Variants in EYS observed in about 807,000 individuals in gnomAD.
EYS encodes EGF-like photoreceptor maintenance factor.
In EYS, 250 loss-of-function variants were observed where a neutral mutation model predicts 282.1. The observed-to-expected ratio is 0.89, with a 90% CI of 0.80 to 0.98. The LOEUF (loss-of-function observed/expected upper bound fraction) is 0.98, where lower values mean the gene tolerates loss of function less well. EYS is among the 50% of genes least tolerant of loss of function. EYS has a pLI of 0.00. For synonymous variants in EYS, 1,355 were observed against 1,282.9 expected, an observed-to-expected ratio of 1.06 and a Z score of -1.20; for missense variants, 4,016 against 3,709.0, an observed-to-expected ratio of 1.08 and a Z score of -2.15.
intron 10 of EYS, among the ~76,000 whole-genome samples, chr6:65,339,489 A>C (rs1770117189): frequency 6.6e-6 from 1 of 151,162 alleles, no homozygotes; most frequent in Non-Finnish European, 1.5e-5. Context: ...TTTATTAGTA[A>C]TTGTTGTTAA....
intron 2 of EYS, among the ~76,000 whole-genome samples, chr6:65,563,405 T>A (rs1769139785): frequency 6.6e-6 from 1 of 152,122 alleles, no homozygotes; most frequent in Non-Finnish European, 1.5e-5. Context: ...AAAACTATGT[T>A]ATATTTTTTA....
intron 31 of EYS, among the ~76,000 whole-genome samples, chr6:64,199,941 A>G (rs982138765): frequency 6.6e-6 from 1 of 152,186 alleles, no homozygotes; most frequent in African/African-American, 2.4e-5. Context: ...GTCCCTTAGT[A>G]GGTGAATGGG....
At chr6:64,918,753 G>A (rs1437422185) in intron 15 of EYS, among the ~76,000 whole-genome samples, 1 of 152,170 alleles carries the variant, frequency 6.6e-6, no homozygotes, top group Non-Finnish European at 1.5e-5. Context: ...CCATCAGGTA[G>A]GAGACAGATG....
intron 26 of EYS, among the ~76,000 whole-genome samples, chr6:64,477,185 C>T (rs528215570): frequency 2.8e-4 from 43 of 152,140 alleles, no homozygotes; most frequent in African/African-American, 1.0e-3. Flanking sequence ...GTTTTTGATT[C>T]TTCAATGAAA....
In EYS at chr6:63,835,782, T is replaced by C. The variant is rs189015482; in HGVS notation, c.7228+28404A>G. 3.2e-4 allele frequency among the ~76,000 whole-genome samples: 49 copies of C among 152,068 alleles called. No individual in the cohort carries two copies. The East Asian group carries it at 5.0e-3, about 16-fold the overall frequency. ...CAGTTTTAGAAATAAGAACCATAGG[T>C]CAACAAACTTATTAATCCTTCTAAC... On this transcript the variant is annotated intron_variant, in intron 36 of 42. Coordinates refer to ENST00000503581, the MANE Select transcript of EYS (RefSeq NM_001142800.2).
intron 29 of EYS, among the ~76,000 whole-genome samples, chr6:64,358,311 T>A (rs1242839672): frequency 1.3e-5 from 2 of 151,634 alleles, no homozygotes; most frequent in Non-Finnish European, 3.0e-5. Context: ...GAACTCTTCC[T>A]GGTATGTTAA....
chr6:64,651,961 C>CA (rs1054179840), intron 22 of EYS, among the ~76,000 whole-genome samples: 1 of 152,142 alleles, frequency 6.6e-6, no homozygotes, highest in African/African-American at 2.4e-5. Context: ...TGTTAATTGG[C>CA]ATACACTGGC....
chr6:64,200,739 T>C (rs1431567193), intron 31 of EYS, among the ~76,000 whole-genome samples: 5 of 152,128 alleles, frequency 3.3e-5, no homozygotes, highest in African/African-American at 1.2e-4. Flanking sequence ...CAAGAAACTT[T>C]TTTATGGCTG....
chr6:64,310,826 T>A (rs1342653778), intron 29 of EYS, among the ~76,000 whole-genome samples: 2 of 152,120 alleles, frequency 1.3e-5, no homozygotes, highest in African/African-American at 4.8e-5. Context: ...ATGGGAAGAC[T>A]GGACTGAATT....
chr6:64,192,304 C>CT (rs1224668909), intron 31 of EYS, among the ~76,000 whole-genome samples: 1 of 151,980 alleles, frequency 6.6e-6, no homozygotes, highest in African/African-American at 2.4e-5. Flanking sequence ...ATGGTAGTTT[C>CT]TTTTGCTGTG....
intron 5 of EYS, among the ~76,000 whole-genome samples, chr6:65,423,667 C>T (rs924735969): frequency 6.6e-6 from 1 of 151,936 alleles, no homozygotes; most frequent in African/African-American, 2.4e-5. Context: ...CTCACAGTCA[C>T]CTAGCTAACC....
chr6:64,327,938 A>G (rs909931435), intron 29 of EYS, among the ~76,000 whole-genome samples: 4 of 152,122 alleles, frequency 2.6e-5, no homozygotes, highest in African/African-American at 9.7e-5. Flanking sequence ...TGAAGGGAGG[A>G]ACTCCAGGGG....
intron 30 of EYS, among the ~76,000 whole-genome samples, chr6:64,303,749 G>A (rs184363116): frequency 0.033 from 4,874 of 149,340 alleles, 90 homozygotes; most frequent in Non-Finnish European, 0.046. Context: ...GCTGAGGCAG[G>A]AGAATGGCGT....
intron 26 of EYS, among the ~76,000 whole-genome samples, chr6:64,486,435 A>T (rs929005307): frequency 6.6e-6 from 1 of 151,422 alleles, no homozygotes; most frequent in Admixed American, 6.6e-5. Context: ...ATAATAGGTT[A>T]TTTTTAAAGA....
chr6:64,437,810 T>C (rs1427976379), intron 27 of EYS, among the ~76,000 whole-genome samples: 2 of 151,308 alleles, frequency 1.3e-5, no homozygotes, highest in African/African-American at 4.8e-5. Flanking sequence ...ATACATATTA[T>C]ATTACTTCAG....
intron 41 of EYS, among the ~76,000 whole-genome samples, chr6:63,733,453 T>C (rs1310030525): frequency 2.7e-5 from 4 of 148,490 alleles, no homozygotes; most frequent in Non-Finnish European, 6.0e-5. Flanking sequence ...CTACCCCCTC[T>C]AGTAGACCCC....
intron 2 of EYS, among the ~76,000 whole-genome samples, chr6:65,597,209 G>A (rs2149787850): frequency 6.6e-6 from 1 of 152,188 alleles, no homozygotes; most frequent in East Asian, 1.9e-4. Flanking sequence ...GCTCTCCTGT[G>A]CTTTAAATTA....
At chr6:63,805,751 T>C (rs1770889388) in intron 37 of EYS, among the ~76,000 whole-genome samples, 1 of 152,200 alleles carries the variant, frequency 6.6e-6, no homozygotes, top group African/African-American at 2.4e-5. Flanking sequence ...GAGTGAGTTC[T>C]CAGGAGATCT....
intron 13 of EYS, among the ~76,000 whole-genome samples, chr6:65,042,053 T>A (rs933502837): frequency 2.6e-5 from 4 of 151,626 alleles, no homozygotes; most frequent in Non-Finnish European, 4.4e-5. Context: ...TGAATCTGCA[T>A]ATTGTATGCA....
Sources: allele counts gnomAD v4.1 joint callset (sites outside exome capture counted in the v4.1 genomes callset), GRCh38; gene constraint gnomAD v4.1.1; transcripts MANE v1.5; gene names NCBI Gene and HGNC (gene_info 2026-07-23, HGNC 2026-07-21).